USH2A: variants seen among roughly 807,000 people sequenced by gnomAD.
USH2A encodes Usher syndrome 2A (autosomal recessive, mild).
USH2A carries 443 observed loss-of-function variants against 538.9 expected under a neutral mutation model. That is an observed-to-expected ratio of 0.82 (90% CI 0.76 to 0.89). The LOEUF is 0.89. Among genes scored for constraint, USH2A ranks in the 40% least tolerant of loss-of-function variants. USH2A has a pLI of 0.00. For missense variants in USH2A, 6,633 were observed against 6,324.8 expected (o/e 1.05, Z -1.65); for synonymous variants, 2,413 against 2,273.5 (o/e 1.06, Z -1.75).
intron 3 of USH2A, among the ~76,000 whole-genome samples, chr1:216,394,771 T>C (rs1199109721): frequency 1.6e-5 from 2 of 125,506 alleles, no homozygotes; most frequent in African/African-American, 2.9e-5. Context: ...CAGGCTGGAG[T>C]GCAGTGGCGC....
At chr1:215,655,725 CTTTTTT>C (rs766225635) in intron 64 of USH2A, among the ~76,000 whole-genome samples, 47 of 96,172 alleles carry the variant, frequency 4.9e-4, no homozygotes, top group African/African-American at 1.1e-3. Flanking sequence ...GCTAGTTATT[CTTTTTT>C]TTTTTTTTTT....
intron 49 of USH2A, 52 bp downstream of exon 49, chr1:215,813,684 T>C (rs1404837451): frequency 6.2e-7 from 1 of 1,610,136 alleles, no homozygotes; most frequent in Admixed American, 1.7e-5. Context: ...AACCACGTGT[T>C]TATGTTTTCA....
At position 216,000,496 on chromosome 1, in the gene USH2A, C is replaced by T. The variant is rs1350315766; in HGVS notation, c.6392G>A (p.Ser2131Asn). ...TGCTGTGTACAGTAGGACCCAGGAA[C>T]TGTTTGTACAGCCCACATGTGTGCA... ...SACTHVGCTN[S>N]SWVLLYTAQL... Residue 2131 changes from serine to asparagine, a missense_variant, in exon 33 of 72, where the codon AGT becomes AAT. Physicochemically the swap from Ser to Asn is conservative, Grantham distance 46 (BLOSUM62 1). Coordinates refer to ENST00000307340, the MANE Select transcript of USH2A (RefSeq NM_206933.4). 1.9e-6 allele frequency: 3 copies of T among 1,613,562 alleles called. No homozygotes were observed. Among genetic ancestry groups the T allele is most frequent in the Non-Finnish European group, 1.7e-6 (2 of 1,179,738 alleles).
At chr1:215,940,597 G>GA (rs1266121693) in intron 37 of USH2A, among the ~76,000 whole-genome samples, 1 of 151,974 alleles carries the variant, frequency 6.6e-6, no homozygotes, top group Non-Finnish European at 1.5e-5. Flanking sequence ...TTAAGTTTTT[G>GA]ACAATGTATA....
chr1:215,859,221 C>T (rs1356618077), intron 44 of USH2A, among the ~76,000 whole-genome samples: 1 of 152,058 alleles, frequency 6.6e-6, no homozygotes, highest in Non-Finnish European at 1.5e-5. Context: ...GGACTTTTTT[C>T]AACCAAACAA....
chr1:215,752,067 G>GTCTC (rs909464585), intron 58 of USH2A, among the ~76,000 whole-genome samples: 5 of 151,772 alleles, frequency 3.3e-5, no homozygotes, highest in Admixed American at 6.6e-5. Flanking sequence ...AAGAAGAAAT[G>GTCTC]TCTCTCTCTC....
intron 51 of USH2A, among the ~76,000 whole-genome samples, chr1:215,788,775 G>T (rs991553990): frequency 6.6e-6 from 1 of 152,036 alleles, no homozygotes; most frequent in African/African-American, 2.4e-5. Flanking sequence ...TTTTAACCTG[G>T]AATTGTATAT....
At chr1:216,169,384 T>C (rs1434321284) in intron 21 of USH2A, among the ~76,000 whole-genome samples, 2 of 152,142 alleles carry the variant, frequency 1.3e-5, no homozygotes, top group African/African-American at 4.8e-5. Context: ...TAAGTCACTT[T>C]TAAAAGGCAA....
chr1:216,199,526 T>C, intron 17 of USH2A, 101 bp downstream of exon 17: 1 of 1,539,486 alleles, frequency 6.5e-7, no homozygotes, highest in Non-Finnish European at 9.0e-7. Flanking sequence ...ATTGTGCAGT[T>C]ATAAAAAGGA....
chr1:216,389,979 A>G (rs2039076450), intron 3 of USH2A, among the ~76,000 whole-genome samples: 1 of 147,770 alleles, frequency 6.8e-6, no homozygotes, highest in Non-Finnish European at 1.5e-5. Flanking sequence ...GCTGTCAGTA[A>G]AAGAGAAAAA....
intron 3 of USH2A, among the ~76,000 whole-genome samples, chr1:216,379,306 A>T (rs2038890947): frequency 6.6e-6 from 1 of 152,200 alleles, no homozygotes. Flanking sequence ...TTCCTTTGCC[A>T]ATCTAATTTC....
At chr1:216,342,842 G>C (rs941949488) in intron 4 of USH2A, among the ~76,000 whole-genome samples, 7 of 151,938 alleles carry the variant, frequency 4.6e-5, no homozygotes, top group East Asian at 1.9e-4. Context: ...TTTCAGGTGT[G>C]GGGAGGGGAG....
At chr1:215,732,520 C>CTTTCTTT (rs1553256897) in intron 60 of USH2A, among the ~76,000 whole-genome samples, 9 of 137,674 alleles carry the variant, frequency 6.5e-5, no homozygotes, top group Admixed American at 2.2e-4. Flanking sequence ...TCCCAATCCT[C>CTTTCTTT]TTTCTTATTC....
intron 70 of USH2A, among the ~76,000 whole-genome samples, chr1:215,629,684 G>A (rs549278727): frequency 2.9e-4 from 44 of 151,540 alleles, no homozygotes; most frequent in Middle Eastern, 3.4e-3. Flanking sequence ...AGAACGCGCC[G>A]TAAGATAAAC....
intron 61 of USH2A, among the ~76,000 whole-genome samples, chr1:215,686,634 G>A (rs1369972570): frequency 6.6e-6 from 1 of 152,122 alleles, no homozygotes; most frequent in South Asian, 2.1e-4. Context: ...TGTGTGAAGA[G>A]CTCTGCAATG....
rs775877218 is a variant in USH2A at position 216,070,209 on chromosome 1, T to C, written c.5941A>G (p.Arg1981Gly). 2.0e-5 allele frequency: 32 copies of C among 1,613,940 alleles called. No individual in the cohort carries two copies. The Admixed American group carries it at 3.3e-4, about 17-fold the overall frequency. ...AGAATGTACTTCTCAATTACACCTCTGACAACAGGTTCATCCCAGGTCACC... is the reference window on the plus strand; with the variant it reads ...AGAATGTACTTCTCAATTACACCTCCGACAACAGGTTCATCCCAGGTCACC... The part of the protein sequence containing the change: ...IEVTWDEPVV[R>G]GVIEKYILKA... Residue 1981 changes from arginine to glycine, a missense_variant, in exon 30 of 72, where the codon AGA (arginine) becomes GGA (glycine). Physicochemically the swap from Arg to Gly is moderately radical, Grantham distance 125. Coordinates refer to ENST00000307340, the MANE Select transcript of USH2A (RefSeq NM_206933.4).
At chr1:216,019,334 A>T (rs151116939) in intron 32 of USH2A, among the ~76,000 whole-genome samples, 1 of 152,322 alleles carries the variant, frequency 6.6e-6, no homozygotes, top group East Asian at 1.9e-4. Context: ...GACATACGAA[A>T]GAAGTGAAGG....
At chr1:215,958,001 G>T (rs1001858277) in intron 37 of USH2A, among the ~76,000 whole-genome samples, 1 of 152,118 alleles carries the variant, frequency 6.6e-6, no homozygotes, top group East Asian at 1.9e-4. Context: ...CTAAAAAACA[G>T]ATACCAGGGA....
Position 216,175,389 on chromosome 1 carries a change from G to T in USH2A, c.4490C>A (p.Ser1497Tyr), listed in dbSNP as rs755482100. The T allele has an allele frequency of 6.2e-7, 1 of 1,613,768 alleles. No homozygotes were observed. Among genetic ancestry groups the T allele is most frequent in the Non-Finnish European group, 8.5e-7 (1 of 1,179,866 alleles). Residue 1497 changes from serine (S) to tyrosine (Y), a missense_variant, in exon 21 of 72, where the codon TCT becomes TAT. Transcript: ENST00000307340. ...TCTCCTTTCCAGCTGATATATAGGA[G>T]AGGGTCCATTCAGTTCTTCAGGTGG... ...WFPPEELNGP[S>Y]PIYQLERRES...
Sources: gnomAD v4.1 joint callset for allele counts (sites outside exome capture counted in the v4.1 genomes callset) on GRCh38, gnomAD v4.1.1 for gene constraint, MANE v1.5 for transcripts, NCBI Gene and HGNC (gene_info 2026-07-23, HGNC 2026-07-21) for gene names.